Variants in PYCR2 observed in about 807,000 individuals in gnomAD.
PYCR2 encodes the protein P5C reductase 2.
A neutral mutation model predicts 23.4 loss-of-function variants in PYCR2; 17 were observed. The observed-to-expected ratio is 0.73, with a 90% CI of 0.50 to 1.09. PYCR2 has a LOEUF of 1.09. Among genes scored for constraint, PYCR2 ranks in the 50% least tolerant of loss-of-function variants. PYCR2 has a pLI of 0.00. For synonymous variants in PYCR2, 172 were observed against 176.6 expected (o/e 0.97, Z 0.21); for missense variants, 380 against 423.5 (o/e 0.90, Z 0.90).
rs886797176 is a variant in PYCR2 at position 225,920,080 on chromosome 1, C to T, written c.*375G>A. On this transcript the variant is annotated 3_prime_UTR_variant, in exon 7 of 7. Coordinates refer to ENST00000343818, the MANE Select transcript of PYCR2 (RefSeq NM_013328.4). ...CCCGTTTCCTGTTTTCTCCTCACCA[C>T]TTTGCCTTGGCATCACACCAACCCT... The T allele has an allele frequency of 6.7e-5, 11 of 164,916 alleles. No individual in the cohort carries two copies. Among genetic ancestry groups the T allele is most frequent in the Non-Finnish European group, 1.3e-4 (10 of 76,512 alleles). 10.2% of individuals were successfully genotyped at this position (164,916 alleles called of 1,614,324 possible). A position where few individuals can be genotyped will look rare whatever the true frequency, so the allele number is the denominator to read the frequency against.
chr1:225,923,361 C>T (rs1056028153), intron 2 of PYCR2: 6 of 845,078 alleles, frequency 7.1e-6, no homozygotes, highest in Non-Finnish European at 8.9e-6. Flanking sequence ...CACTGCACTC[C>T]AGCTTGGGCG....
Position 225,923,697 on chromosome 1 carries a change from C to A in PYCR2, c.138+4G>T, listed in dbSNP as rs1189776057. ...CGCTTCCCACTCCGCCCGGCTCCACCTACCCTGAGCGCGGACACCGTGGGC... is the reference window on the plus strand; with the variant it reads ...CGCTTCCCACTCCGCCCGGCTCCACATACCCTGAGCGCGGACACCGTGGGC... On this transcript the variant is annotated splice_donor_region_variant and intron_variant, in intron 2 of 6. Coordinates refer to ENST00000343818, the MANE Select transcript of PYCR2 (RefSeq NM_013328.4). 1 of 1,614,092 alleles carries A rather than the reference C, an allele frequency of 6.2e-7. No individual in the cohort carries two copies. The highest frequency in any genetic ancestry group is 1.3e-5 in the African/African-American group (1 of 75,056).
At chr1:225,923,584 G>A (rs1219992708) in intron 2 of PYCR2, 117 bp downstream of exon 2, 5 of 1,571,562 alleles carry the variant, frequency 3.2e-6, no homozygotes, top group African/African-American at 1.4e-5. Context: ...CTGGAGTAAA[G>A]GTCACCGCCG....
Position 225,924,030 on chromosome 1 carries a change from C to CTCCCGCT in PYCR2, c.67+13_67+14insAGCGGGA. On this transcript the variant is annotated intron_variant, in intron 1 of 6. Transcript: ENST00000343818. The stretch of plus-strand genomic sequence containing the variant: ...GACCGCCCGCGAAGCCGCCTCCCGC[C>CTCCCGCT]TCCACGCGCTTGCCTGCGGCCGTGA... 6.5e-7 allele frequency: 1 copy of CTCCCGCT among 1,537,348 alleles called. No individual in the cohort carries two copies. The highest frequency in any genetic ancestry group is 8.7e-7 in the Non-Finnish European group (1 of 1,144,552).
intron 1 of PYCR2, 35 bp downstream of exon 1, chr1:225,924,009 G>A (rs745581720): frequency 8.6e-6 from 13 of 1,516,520 alleles, no homozygotes; most frequent in East Asian, 7.5e-5. Flanking sequence ...CCTCGGGACC[G>A]CCCGCGAAGC....
chr1:225,920,705 C>G, intron 6 of PYCR2, 85 bp from the exon 7 acceptor site: 1 of 1,491,754 alleles, frequency 6.7e-7, no homozygotes. Context: ...ACACAACCCT[C>G]AAGCTTGTTG....
chr1:225,923,482 T>G, intron 2 of PYCR2: 2 of 1,408,546 alleles, frequency 1.4e-6, no homozygotes, highest in East Asian at 2.6e-5. Context: ...CCTCTACCAC[T>G]CCAGTGTCTG....
rs55803945 is a variant in PYCR2, at chr1:225,921,570, G to A, written c.615C>T (p.Leu205=). Residue 205 remains leucine, a synonymous_variant, in exon 5 of 7, where the codon CTC becomes CTT. Coordinates refer to ENST00000343818, the MANE Select transcript of PYCR2 (RefSeq NM_013328.4). The surrounding 1 kb of genome is among the most constrained non-coding windows in gnomAD (Gnocchi z 4.2). Reference sequence around the variant, plus strand: ...TACTGACCAGCAAAGCCTGGGCCCCGAGTTGGATTGCCAGGCGCCGTGGCA... The same window carrying A: ...TACTGACCAGCAAAGCCTGGGCCCCAAGTTGGATTGCCAGGCGCCGTGGCA... The part of the protein sequence containing the change: ...MGLPRRLAIQ[L]GAQALLGAAK... The A allele has an allele frequency of 1.5e-3, 2,382 of 1,614,152 alleles. 4 individuals are homozygous for A. Among genetic ancestry groups the A allele is most frequent in the Middle Eastern group, 3.3e-3 (20 of 6,062 alleles).
rs766339834 is a variant in PYCR2, at chr1:225,922,023, A to C, written c.375T>G (p.Pro125=). 6.8e-6 allele frequency: 11 copies of C among 1,614,018 alleles called. No individual in the cohort carries two copies. The highest frequency in any genetic ancestry group is 1.6e-4 in the Middle Eastern group (1 of 6,084). Residue 125 remains proline, a synonymous_variant, in exon 4 of 7, where the codon CCT becomes CCG. Coordinates refer to ENST00000343818, the MANE Select transcript of PYCR2 (RefSeq NM_013328.4). ...CTGTAGCGCCTTCCTGCACTACCAC[A>C]GGTGTGTTGGTCATGCAGCGAATCA... The part of the protein sequence containing the change: ...PKVIRCMTNT[P]VVVQEGATVY...
Position 225,921,472 on chromosome 1 carries a change from A to G in PYCR2, c.633+80T>C. On this transcript the variant is annotated intron_variant, in intron 5 of 6. Transcript: ENST00000343818. The surrounding 1 kb of genome is among the most constrained non-coding windows in gnomAD (Gnocchi z 4.2). ...CAACTGCTACCCCAGCTTCCCAACC[A>G]ACTCCCACCTCAGTTCAGTGATGCA... 6.3e-7 allele frequency: 1 copy of G among 1,576,636 alleles called. No individual in the cohort carries two copies. Among genetic ancestry groups the G allele is most frequent in the Non-Finnish European group, 8.7e-7 (1 of 1,148,566 alleles).
At chr1:225,923,153 T>C in intron 2 of PYCR2, 1 of 549,374 alleles carries the variant, frequency 1.8e-6, no homozygotes, top group Non-Finnish European at 2.3e-6. Context: ...CTCACCCCTG[T>C]AATCCCAGCA....
At position 225,921,799 on chromosome 1, in the gene PYCR2, G is replaced by C. The variant is rs538452807; in HGVS notation, c.540+59C>G. 1.2e-5 allele frequency: 19 copies of C among 1,606,048 alleles called. No individual in the cohort carries two copies. On this transcript the variant is annotated intron_variant, in intron 4 of 6. Transcript: ENST00000343818. The surrounding 1 kb of genome is among the most constrained non-coding windows in gnomAD (Gnocchi z 4.2). ...CGCCACCCCCAGTCCAAGCCTGCCTGCCAGCCCATCTTGCTGCCTGGGTTC... is the reference window on the plus strand; with the variant it reads ...CGCCACCCCCAGTCCAAGCCTGCCTCCCAGCCCATCTTGCTGCCTGGGTTC...
rs769139834 is a variant in PYCR2 at position 225,920,510 on chromosome 1, G to A, written c.908C>T (p.Ser303Phe). Residue 303 changes from serine to phenylalanine, a missense_variant, in exon 7 of 7, where the codon TCC becomes TTC. Ser to Phe is a radical substitution (Grantham distance 155). Transcript: ENST00000343818. The part of the protein sequence containing the change: ...ESPTVSTLTP[S>F]SPGKLLTRSL... ...TCTTGTGAGGAGCTTCCCTGGGCTGGAGGGGGTCAGTGTGGAGACTGTGGG... is the reference window on the plus strand; with the variant it reads ...TCTTGTGAGGAGCTTCCCTGGGCTGAAGGGGGTCAGTGTGGAGACTGTGGG... 2.6e-6 allele frequency: 4 copies of A among 1,536,462 alleles called. No individual in the cohort carries two copies. Among genetic ancestry groups the A allele is most frequent in the South Asian group, 1.1e-5 (1 of 87,268 alleles).
At position 225,920,305 on chromosome 1, in the gene PYCR2, G is replaced by T. The variant is rs1671801778; in HGVS notation, c.*150C>A. ...GCTTGGTCTGAACAGATTTAAGGAG[G>T]TTTTATCACAAGGACCTGAAAACTT... On this transcript the variant is annotated 3_prime_UTR_variant, in exon 7 of 7. Coordinates refer to ENST00000343818, the MANE Select transcript of PYCR2 (RefSeq NM_013328.4). 1 of 700,378 alleles carries T rather than the reference G, an allele frequency of 1.4e-6. No individual in the cohort carries two copies. The highest frequency in any genetic ancestry group is 2.1e-6 in the Non-Finnish European group (1 of 465,172). The allele number at this position is 700,378 out of a possible 1,614,324, so 43.4% of individuals were successfully genotyped here.
At chr1:225,920,841 G>A (rs1309800499) in intron 6 of PYCR2, among the ~76,000 whole-genome samples, 2 of 152,136 alleles carry the variant, frequency 1.3e-5, no homozygotes, top group Non-Finnish European at 2.9e-5. Context: ...TTTGATCAGA[G>A]CCCCAAGTGG....
Position 225,921,807 on chromosome 1 carries a change from A to G in PYCR2, c.540+51T>C. The G allele has an allele frequency of 1.2e-6, 2 of 1,609,488 alleles. No homozygotes were observed. The highest frequency in any genetic ancestry group is 1.7e-6 in the Non-Finnish European group (2 of 1,177,472). ...CCAGTCCAAGCCTGCCTGCCAGCCCATCTTGCTGCCTGGGTTCCTAGAAGG... is the reference window on the plus strand; with the variant it reads ...CCAGTCCAAGCCTGCCTGCCAGCCCGTCTTGCTGCCTGGGTTCCTAGAAGG... On this transcript the variant is annotated intron_variant, in intron 4 of 6. Transcript: ENST00000343818. This position sits in a 1 kb window ranked among gnomAD's most constrained non-coding sequence, Gnocchi z 4.2.
At position 225,921,264 on chromosome 1, in the gene PYCR2, A is replaced by C. The variant is rs774616260; in HGVS notation, c.741T>G (p.Ser247Arg). 1 of 1,613,772 alleles carries C rather than the reference A, an allele frequency of 6.2e-7. No individual in the cohort carries two copies. The highest frequency in any genetic ancestry group is 8.5e-7 in the Non-Finnish European group (1 of 1,179,832). The stretch of plus-strand genomic sequence containing the variant: ...TGATGAGCAGAGAGCGGAAGCCCCC[A>C]CTCTCTAGAAAGTGCAGGGCGTGGA... ...ATIHALHFLE[S>R]GGFRSLLINA... Residue 247 changes from serine (S) to arginine (R), a missense_variant, in exon 6 of 7, where the codon AGT becomes AGG. Physicochemically the swap from Ser to Arg is moderately radical, Grantham distance 110. Coordinates refer to ENST00000343818, the MANE Select transcript of PYCR2 (RefSeq NM_013328.4). This position sits in a 1 kb window ranked among gnomAD's most constrained non-coding sequence, Gnocchi z 4.2.
In PYCR2 at chr1:225,921,748, C is replaced by A; in HGVS notation, c.541-104G>T. The A allele has an allele frequency of 6.3e-7, 1 of 1,578,920 alleles. No homozygotes were observed. The highest frequency in any genetic ancestry group is 1.3e-5 in the African/African-American group (1 of 74,280). On this transcript the variant is annotated intron_variant, in intron 4 of 6. Transcript: ENST00000343818. The surrounding 1 kb of genome is among the most constrained non-coding windows in gnomAD (Gnocchi z 4.2). ...TAGCTCCAAGGGTCAGCATCCTGTACCAGCCAGCTGTGCCCAAGAGGTGGG... is the reference window on the plus strand; with the variant it reads ...TAGCTCCAAGGGTCAGCATCCTGTAACAGCCAGCTGTGCCCAAGAGGTGGG...
Position 225,920,003 on chromosome 1 carries a change from T to C in PYCR2, c.*452A>G, listed in dbSNP as rs1177259801. The C allele has an allele frequency of 3.9e-5, 6 of 154,782 alleles. No individual in the cohort carries two copies. Among genetic ancestry groups the C allele is most frequent in the African/African-American group, 1.4e-4 (6 of 41,494 alleles). 9.6% of individuals were successfully genotyped at this position (154,782 alleles called of 1,614,324 possible). ...CTAATCCTGTACACTTGTGATTAAT[T>C]GTGACAATCTTAAGTTGCTCACTTC... On this transcript the variant is annotated 3_prime_UTR_variant, in exon 7 of 7. Coordinates refer to ENST00000343818, the MANE Select transcript of PYCR2 (RefSeq NM_013328.4).
Sources: allele counts gnomAD v4.1 joint callset (sites outside exome capture counted in the v4.1 genomes callset), GRCh38; gene constraint gnomAD v4.1.1; non-coding constraint Gnocchi (gnomAD v3.1); transcripts MANE v1.5; gene names NCBI Gene and HGNC (gene_info 2026-07-23, HGNC 2026-07-21).